Variants in CCDC169 observed in about 807,000 individuals in gnomAD.
CCDC169 encodes the protein coiled-coil domain containing 169.
A neutral mutation model predicts 36.0 loss-of-function variants in CCDC169; 30 were observed. That is an observed-to-expected ratio of 0.83 (90% CI 0.62 to 1.13). The LOEUF (loss-of-function observed/expected upper bound fraction) is 1.13. Among genes scored for constraint, CCDC169 ranks in the 50% most tolerant of loss-of-function variants. The pLI is 0.00. For synonymous variants in CCDC169, 85 were observed against 81.5 expected, an observed-to-expected ratio of 1.04 and a Z score of -0.23; for missense variants, 245 against 245.9, an observed-to-expected ratio of 1.00 and a Z score of 0.03.
Position 36,254,074 on chromosome 13 carries a change from A to G in CCDC169, c.385T>C (p.Tyr129His). The G allele has an allele frequency of 6.5e-7, 1 of 1,548,770 alleles. No individual in the cohort carries two copies. The highest frequency in any genetic ancestry group is 1.2e-5 in the South Asian group (1 of 83,496). ...GATTCTTGTTCCAGTTTAAGTGCAT[A>G]GTATTTCACTTGACTTTCAAGAGTC... ...KKTLESQVKYYALKLEQESKA... is the reference protein window; with the variant it reads ...KKTLESQVKYHALKLEQESKA... The change falls in exon 5 of 8, where the codon TAT becomes CAT. Residue 129 changes from tyrosine (Y) to histidine (H), a missense_variant. Coordinates refer to ENST00000239859, the MANE Select transcript of CCDC169 (RefSeq NM_001144981.3).
At chr13:36,297,424 C>T (rs185092190) in intron 1 of CCDC169, among the ~76,000 whole-genome samples, 1 of 152,168 alleles carries the variant, frequency 6.6e-6, no homozygotes, top group African/African-American at 2.4e-5. Context: ...ACATCCTACC[C>T]GGAAAGCTGC....
At chr13:36,238,632 G>A (rs1871363792) in intron 7 of CCDC169, among the ~76,000 whole-genome samples, 1 of 151,886 alleles carries the variant, frequency 6.6e-6, no homozygotes, top group Non-Finnish European at 1.5e-5. Context: ...ATTATTTATA[G>A]TACTAAATGA....
intron 4 of CCDC169, chr13:36,281,292 A>AG: frequency 2.2e-6 from 1 of 450,462 alleles, no homozygotes; most frequent in Non-Finnish European, 4.4e-6. Context: ...GAAAAGAGAA[A>AG]AAAAAAACTT....
chr13:36,295,643 A>T (rs1879389022), intron 2 of CCDC169, 135 bp downstream of exon 2: 1 of 482,062 alleles, frequency 2.1e-6, no homozygotes. Flanking sequence ...ATAAACTATC[A>T]TTAATGTGGC....
chr13:36,261,529 T>A (rs1005604820), intron 4 of CCDC169, among the ~76,000 whole-genome samples: 5 of 151,930 alleles, frequency 3.3e-5, no homozygotes, highest in Non-Finnish European at 7.3e-5. Flanking sequence ...GAAGGAAGTT[T>A]GTTTGTTTTT....
At chr13:36,227,358 T>C, downstream of CCDC169, 1 of 1,547,582 alleles carries the variant, frequency 6.5e-7, no homozygotes, top group Non-Finnish European at 8.7e-7. Context: ...CTTTAAAGGG[T>C]CCAATTCTTC....
intron 4 of CCDC169, among the ~76,000 whole-genome samples, 177 bp from the exon 5 acceptor site, chr13:36,254,320 G>A (rs1873567184): frequency 7.0e-6 from 1 of 143,350 alleles, no homozygotes. Context: ...CTGTCACCCA[G>A]GCTGGAGTGC....
At chr13:36,280,964 A>G in intron 4 of CCDC169, 1 of 171,888 alleles carries the variant, frequency 5.8e-6, no homozygotes, top group Non-Finnish European at 1.2e-5. Flanking sequence ...AGGTGCCCAT[A>G]TGATACAGTT....
intron 2 of CCDC169, among the ~76,000 whole-genome samples, chr13:36,289,655 T>C (rs545536781): frequency 6.6e-6 from 1 of 152,368 alleles, no homozygotes; most frequent in South Asian, 2.1e-4. Flanking sequence ...AAACAACATT[T>C]TACTTTTTAT....
At chr13:36,281,885 G>C (rs1877586006) in intron 4 of CCDC169, among the ~76,000 whole-genome samples, 1 of 151,866 alleles carries the variant, frequency 6.6e-6, no homozygotes, top group Non-Finnish European at 1.5e-5. Context: ...ATGCTGAATG[G>C]TAAATTTTAA....
At chr13:36,237,625 G>T (rs188945049) in intron 7 of CCDC169, among the ~76,000 whole-genome samples, 4 of 152,242 alleles carry the variant, frequency 2.6e-5, no homozygotes, top group African/African-American at 9.6e-5. Context: ...TAAGGAATTC[G>T]TATATGTTCC....
chr13:36,227,487 CACAT>C (rs1160890239), downstream of CCDC169: 2 of 1,163,580 alleles, frequency 1.7e-6, no homozygotes, highest in African/African-American at 3.2e-5. Context: ...CACACACACA[CACAT>C]ATACACAAAA....
intron 4 of CCDC169, among the ~76,000 whole-genome samples, chr13:36,265,767 G>A (rs1261383914): frequency 6.6e-6 from 1 of 152,208 alleles, no homozygotes; most frequent in Non-Finnish European, 1.5e-5. Flanking sequence ...CCATAAGGGG[G>A]TAACTTTCAA....
chr13:36,245,635 T>C (rs906995996), intron 7 of CCDC169, among the ~76,000 whole-genome samples: 2 of 152,178 alleles, frequency 1.3e-5, no homozygotes, highest in Non-Finnish European at 2.9e-5. Context: ...TTTATTTACA[T>C]AGAAAAAACA....
intron 6 of CCDC169, among the ~76,000 whole-genome samples, chr13:36,252,396 A>T (rs1002986443): frequency 6.6e-6 from 1 of 152,126 alleles, no homozygotes; most frequent in South Asian, 2.1e-4. Context: ...CTTTCTCAAA[A>T]TTTTCTAAAT....
downstream of CCDC169, chr13:36,224,383 C>T (rs999699384): frequency 5.9e-5 from 9 of 152,036 alleles, no homozygotes; most frequent in African/African-American, 2.2e-4. Flanking sequence ...ATAGAAAACC[C>T]TACAGACTCT....
chr13:36,274,342 T>TAAAA, intron 4 of CCDC169: 1 of 152,324 alleles, frequency 6.6e-6, no homozygotes, highest in African/African-American at 2.4e-5. Flanking sequence ...TACAATAACT[T>TAAAA]TAAGGTTCCC....
intron 4 of CCDC169, among the ~76,000 whole-genome samples, chr13:36,268,455 C>A (rs976229137): frequency 3.3e-5 from 5 of 152,098 alleles, no homozygotes; most frequent in African/African-American, 4.8e-5. Context: ...ATCAAAACCT[C>A]TAGTATACAG....
At chr13:36,265,179 C>T (rs1313994975) in intron 4 of CCDC169, among the ~76,000 whole-genome samples, 1 of 152,192 alleles carries the variant, frequency 6.6e-6, no homozygotes, top group Non-Finnish European at 1.5e-5. Flanking sequence ...TGACCGTCCA[C>T]TTTTGTCTGT....
Sources: allele counts gnomAD v4.1 joint callset (sites outside exome capture counted in the v4.1 genomes callset), GRCh38; gene constraint gnomAD v4.1.1; transcripts MANE v1.5; gene names NCBI Gene and HGNC (gene_info 2026-07-23, HGNC 2026-07-21).